The following CNKSR2 variants were observed in gnomAD, a reference collection of about 807,000 sequenced individuals.
The protein encoded by CNKSR2 is connector enhancer of kinase suppressor of Ras 2, also known as CNK homolog protein 2.
A neutral mutation model predicts 84.4 loss-of-function variants in CNKSR2; 14 were observed. That is an observed-to-expected ratio of 0.17 (90% CI 0.11 to 0.26). CNKSR2 has a LOEUF of 0.26. CNKSR2 is among the 10% of genes least tolerant of loss of function. The pLI, the probability that CNKSR2 is intolerant of heterozygous loss-of-function variation, is 1.00. For synonymous variants in CNKSR2, 275 were observed against 277.9 expected (o/e 0.99, Z 0.10); for missense variants, 485 against 771.2 (o/e 0.63, Z 4.40).
intron 11 of CNKSR2, among the ~76,000 whole-genome samples, chrX:21,549,150 C>T (rs1219588756): frequency 8.9e-6 from 1 of 112,433 alleles, no homozygotes; most frequent in Non-Finnish European, 1.9e-5. Context: ...TTGCAGATGA[C>T]ATGATTGTAT....
intron 5 of CNKSR2, among the ~76,000 whole-genome samples, chrX:21,488,853 G>T (rs780599020): frequency 9.0e-6 from 1 of 110,803 alleles, no homozygotes; most frequent in Admixed American, 9.6e-5. Flanking sequence ...TAGCTACAAA[G>T]ATAAGAAGCT....
At chrX:21,593,617 C>G (rs1960397543) in intron 15 of CNKSR2, 1 of 111,439 alleles carries the variant, frequency 9.0e-6, no homozygotes, top group African/African-American at 3.3e-5. Flanking sequence ...TGGGATAACT[C>G]GTATCTAACA....
rs936934424 is a variant in CNKSR2 at position 21,431,184 on chromosome X, A to C, written c.229-1428A>C. Among the ~76,000 whole-genome samples the C allele has an allele frequency of 5.4e-5, 6 of 111,555 alleles. No individual in the cohort carries two copies. In the Admixed American group the frequency reaches 5.8e-4, roughly 11 times the overall value. ...TTGTCTTAAATTGTCATAGGAAAAA[A>C]AGACACCTAAATGTTATATACAAAG... is the stretch of plus-strand genomic sequence containing the variant. On this transcript the variant is annotated intron_variant, in intron 2 of 21. Transcript: ENST00000379510.
intron 3 of CNKSR2, among the ~76,000 whole-genome samples, chrX:21,437,691 T>A (rs2090727958): frequency 9.0e-6 from 1 of 110,627 alleles, no homozygotes; most frequent in Non-Finnish European, 1.9e-5. Flanking sequence ...GTAATTTTTT[T>A]AAATTAATGA....
chrX:21,407,621 A>G (rs1454849567), intron 1 of CNKSR2, among the ~76,000 whole-genome samples: 1 of 111,389 alleles, frequency 9.0e-6, no homozygotes, highest in Non-Finnish European at 1.9e-5. Context: ...CAGCTCTTTT[A>G]TATATAAAAT....
intron 20 of CNKSR2, among the ~76,000 whole-genome samples, chrX:21,621,336 T>C (rs1164435088): frequency 8.9e-6 from 1 of 111,876 alleles, no homozygotes; most frequent in Admixed American, 9.5e-5. Context: ...TACTTTATTT[T>C]TTAATCTAAG....
At chrX:21,473,887 C>T (rs752949669) in intron 5 of CNKSR2, among the ~76,000 whole-genome samples, 2 of 106,442 alleles carry the variant, frequency 1.9e-5, no homozygotes, top group East Asian at 5.9e-4. Flanking sequence ...GCTGGGACTA[C>T]AGGTGCCCAC....
At chrX:21,572,096 T>C (rs1196319716) in intron 13 of CNKSR2, among the ~76,000 whole-genome samples, 1 of 112,359 alleles carries the variant, frequency 8.9e-6, no homozygotes, top group Non-Finnish European at 1.9e-5. Context: ...TGGATGACTT[T>C]ATTATTTCTA....
chrX:21,512,671 G>C (rs2091685634), intron 8 of CNKSR2, among the ~76,000 whole-genome samples: 1 of 111,518 alleles, frequency 9.0e-6, no homozygotes, highest in South Asian at 3.7e-4. Context: ...GGATCTATTT[G>C]TTAGGACACA....
chrX:21,465,004 C>A (rs776324402), intron 4 of CNKSR2, among the ~76,000 whole-genome samples: 1 of 112,030 alleles, frequency 8.9e-6, no homozygotes, highest in African/African-American at 3.2e-5. Context: ...AATCAGTCTG[C>A]TTACTTCTTA....
At chrX:21,591,258 AGAC>A in intron 15 of CNKSR2, 64 bp downstream of exon 15, 1 of 971,153 alleles carries the variant, frequency 1.0e-6, no homozygotes, top group Non-Finnish European at 1.4e-6. Flanking sequence ...AATCATTTTG[AGAC>A]TTATATTTTA....
chrX:21,609,699 C>T lies in CNKSR2; in HGVS notation c.2692+82C>T, dbSNP rs888736571. On this transcript the variant is annotated intron_variant, in intron 20 of 21. Transcript: ENST00000379510. The stretch of plus-strand genomic sequence containing the variant: ...ACTTCTTATTTGAAGAAAATAGAAC[C>T]TTGCTTCCCTTTTTTCTTAAAATAA... 9.4e-6 allele frequency: 10 copies of T among 1,063,978 alleles called. No homozygotes were observed. The East Asian group carries it at 2.7e-4, about 28-fold the overall frequency. 87.7% of individuals were successfully genotyped at this position (1,063,978 alleles called of 1,213,427 possible).
chrX:21,550,205 CTTAA>C (rs747365893), intron 11 of CNKSR2, among the ~76,000 whole-genome samples: 1 of 111,710 alleles, frequency 9.0e-6, no homozygotes, highest in African/African-American at 3.3e-5. Context: ...CTACAAGAAA[CTTAA>C]TTAAACAAAT....
At chrX:21,452,008 A>G (rs951968644) in intron 4 of CNKSR2, among the ~76,000 whole-genome samples, 1 of 111,710 alleles carries the variant, frequency 9.0e-6, no homozygotes, top group Non-Finnish European at 1.9e-5. Flanking sequence ...GGCTGTCAAA[A>G]CACAGCTATT....
chrX:21,450,334 T>G (rs796697343), intron 4 of CNKSR2, among the ~76,000 whole-genome samples: 5 of 111,727 alleles, frequency 4.5e-5, no homozygotes, highest in African/African-American at 1.6e-4. Context: ...CTTGGACAAT[T>G]TAGTATTTAT....
intron 11 of CNKSR2, among the ~76,000 whole-genome samples, chrX:21,543,587 A>G (rs762895004): frequency 2.7e-5 from 3 of 112,061 alleles, no homozygotes; most frequent in East Asian, 2.8e-4. Flanking sequence ...AATTTGTGCA[A>G]TTTTACTGAT....
intron 17 of CNKSR2, among the ~76,000 whole-genome samples, chrX:21,596,943 T>C (rs1432787753): frequency 1.8e-5 from 2 of 111,801 alleles, no homozygotes; most frequent in African/African-American, 6.5e-5. Flanking sequence ...TTAATTATTT[T>C]ATAATTCCAC....
At chrX:21,453,938 C>T (rs1461271970) in intron 4 of CNKSR2, among the ~76,000 whole-genome samples, 1 of 111,791 alleles carries the variant, frequency 8.9e-6, no homozygotes, top group African/African-American at 3.3e-5. Flanking sequence ...AAACACACCT[C>T]CATGATTTAA....
At chrX:21,380,424 G>T (rs1349965913) in intron 1 of CNKSR2, among the ~76,000 whole-genome samples, 3 of 104,572 alleles carry the variant, frequency 2.9e-5, no homozygotes, top group African/African-American at 1.1e-4. Context: ...AGCAACCCTA[G>T]ATTAGGGCTC....
Sources: allele counts gnomAD v4.1 joint callset (sites outside exome capture counted in the v4.1 genomes callset), GRCh38; gene constraint gnomAD v4.1.1; transcripts MANE v1.5; gene names NCBI Gene and HGNC (gene_info 2026-07-23, HGNC 2026-07-21).